Variants in CSMD2 observed in about 807,000 individuals in gnomAD.
CSMD2 encodes the protein CUB and sushi domain-containing protein 2.
Under a neutral mutation model 398.5 loss-of-function variants are expected in CSMD2, and 130 were observed. The ratio of observed to expected loss-of-function variants is 0.33; its 90% CI spans 0.28 to 0.38. CSMD2 has a LOEUF of 0.38. Among genes scored for constraint, CSMD2 ranks in the 10% least tolerant of loss-of-function variants. The pLI is 1.00. For missense variants in CSMD2, 3,829 were observed against 4,764.9 expected, an observed-to-expected ratio of 0.80 and a Z score of 5.78; for synonymous variants, 1,828 against 1,908.5, an observed-to-expected ratio of 0.96 and a Z score of 1.10.
rs192996041 is a variant in CSMD2 at position 33,522,491 on chromosome 1, G to A, written c.10509+816C>T. 1.3e-3 allele frequency among the ~76,000 whole-genome samples: 194 copies of A among 152,284 alleles called. 1 individual carries two copies. The highest frequency in any genetic ancestry group is 2.1e-3 in the Non-Finnish European group (140 of 68,006). On this transcript the variant is annotated intron_variant, in intron 67 of 70. Coordinates refer to ENST00000373381, the MANE Select transcript of CSMD2 (RefSeq NM_001281956.2). ...ATGAAGGGGACCTACAGATACCCTT[G>A]GGCCTACCAAGGAACTACCTGTATG...
Position 34,098,450 on chromosome 1 carries a change from G to T in CSMD2, c.188-9257C>A, listed in dbSNP as rs1328819258. Among the ~76,000 whole-genome samples, 5 of 147,888 alleles carry T rather than the reference G, an allele frequency of 3.4e-5. No individual in the cohort carries two copies. The South Asian group carries it at 1.1e-3, about 32-fold the overall frequency. On this transcript the variant is annotated intron_variant, in intron 1 of 70. Transcript: ENST00000373381. Reference sequence around the variant, plus strand: ...AAATAAATAAATAAATAAATAAAAAGAAAAAAAAAGAAAAATAGATTGTCA... The same window carrying T: ...AAATAAATAAATAAATAAATAAAAATAAAAAAAAAGAAAAATAGATTGTCA...
intron 60 of CSMD2, among the ~76,000 whole-genome samples, chr1:33,539,423 A>G (rs1362291517): frequency 6.6e-6 from 1 of 152,234 alleles, no homozygotes; most frequent in Non-Finnish European, 1.5e-5. Flanking sequence ...ATAGATCAGT[A>G]AATATTGATA....
At chr1:33,754,139 GT>G (rs796618848) in intron 13 of CSMD2, among the ~76,000 whole-genome samples, 53 of 152,268 alleles carry the variant, frequency 3.5e-4, no homozygotes, top group African/African-American at 1.3e-3. Flanking sequence ...GAATGATATG[GT>G]TTGGATATTT....
At chr1:33,629,349 C>T (rs1239678710) in intron 32 of CSMD2, among the ~76,000 whole-genome samples, 3 of 151,960 alleles carry the variant, frequency 2.0e-5, no homozygotes, top group East Asian at 1.9e-4. Context: ...CAAACAAAAG[C>T]GCAGAAAGAA....
intron 10 of CSMD2, among the ~76,000 whole-genome samples, chr1:33,798,534 G>A (rs1276768777): frequency 6.6e-6 from 1 of 152,216 alleles, no homozygotes; most frequent in Non-Finnish European, 1.5e-5. Context: ...CTCAGCCCAG[G>A]CTACACTGTG....
intron 2 of CSMD2, among the ~76,000 whole-genome samples, chr1:34,053,095 A>G (rs1653399753): frequency 6.6e-6 from 1 of 151,900 alleles, no homozygotes; most frequent in African/African-American, 2.4e-5. Context: ...ACCCCTAATC[A>G]GAACATGCTC....
At position 33,914,860 on chromosome 1, in the gene CSMD2, G is replaced by T. The variant is rs534180385; in HGVS notation, c.920+3234C>A. Reference sequence around the variant, plus strand: ...CAGTTTTGGCTTTGAATTGTCCTTTGTTTTATGAATAATATTCTGAGGAGT... The same window carrying T: ...CAGTTTTGGCTTTGAATTGTCCTTTTTTTTATGAATAATATTCTGAGGAGT... On this transcript the variant is annotated intron_variant, in intron 5 of 70. Transcript: ENST00000373381. Among the ~76,000 whole-genome samples, 7 of 152,270 alleles carry T rather than the reference G, an allele frequency of 4.6e-5. No homozygotes were observed. The East Asian group carries it at 1.2e-3, about 25-fold the overall frequency.
intron 31 of CSMD2, among the ~76,000 whole-genome samples, chr1:33,634,945 T>C (rs1297950285): frequency 1.3e-5 from 2 of 152,128 alleles, no homozygotes; most frequent in Non-Finnish European, 2.9e-5. Flanking sequence ...TGGGGCACCT[T>C]GCCTTCCCTC....
At chr1:33,523,817 C>G (rs1009564719) in intron 66 of CSMD2, among the ~76,000 whole-genome samples, 2 of 152,158 alleles carry the variant, frequency 1.3e-5, no homozygotes, top group African/African-American at 4.8e-5. Flanking sequence ...GTGAAATGAG[C>G]AAATGTCATC....
intron 5 of CSMD2, among the ~76,000 whole-genome samples, chr1:33,909,236 G>A (rs1419516933): frequency 6.6e-6 from 1 of 152,086 alleles, no homozygotes; most frequent in Admixed American, 6.5e-5. Context: ...CGAAGTTCAG[G>A]AGCAAATAGG....
chr1:34,056,812 A>T (rs7541388), intron 2 of CSMD2, among the ~76,000 whole-genome samples: 4,876 of 152,282 alleles, frequency 0.032, 101 homozygotes, highest in Middle Eastern at 0.099. Context: ...CTAAGAGCAC[A>T]GTGAGGGGAG....
chr1:33,656,462 A>C (rs1304789224), intron 27 of CSMD2, among the ~76,000 whole-genome samples: 1 of 152,154 alleles, frequency 6.6e-6, no homozygotes, highest in Admixed American at 6.5e-5. Context: ...GCGGCTCCTA[A>C]TTCCCACTGA....
intron 5 of CSMD2, among the ~76,000 whole-genome samples, chr1:33,878,554 A>T (rs1221273823): frequency 2.0e-5 from 3 of 152,224 alleles, no homozygotes; most frequent in Non-Finnish European, 4.4e-5. Flanking sequence ...CATTGATCTG[A>T]CAGTGGCAGC....
chr1:33,810,607 A>T, intron 10 of CSMD2, 136 bp downstream of exon 10: 1 of 796,294 alleles, frequency 1.3e-6, no homozygotes, highest in Non-Finnish European at 1.9e-6. Flanking sequence ...ACTCGATATT[A>T]ATAAAAAAAA....
chr1:33,590,493 C>T (rs1343817776), intron 44 of CSMD2, among the ~76,000 whole-genome samples: 1 of 151,302 alleles, frequency 6.6e-6, no homozygotes, highest in Non-Finnish European at 1.5e-5. Context: ...TAAAAAGCAA[C>T]AAAACAAAAA....
chr1:33,826,099 C>T (rs534106230), intron 6 of CSMD2, among the ~76,000 whole-genome samples: 3 of 152,224 alleles, frequency 2.0e-5, no homozygotes, highest in Admixed American at 6.5e-5. Context: ...TCAACCTGCT[C>T]CTCAGCAAAC....
intron 1 of CSMD2, among the ~76,000 whole-genome samples, chr1:34,148,580 C>T (rs1639997245): frequency 9.3e-6 from 1 of 107,148 alleles, no homozygotes; most frequent in African/African-American, 2.9e-5. Flanking sequence ...CAGCAGTGAA[C>T]AAAAGGGCCA....
chr1:33,580,157 T>C (rs900886764), intron 48 of CSMD2, among the ~76,000 whole-genome samples: 1 of 152,208 alleles, frequency 6.6e-6, no homozygotes, highest in African/African-American at 2.4e-5. Flanking sequence ...AACCCACCTC[T>C]CTTCAAAGTG....
intron 5 of CSMD2, among the ~76,000 whole-genome samples, chr1:33,849,928 G>A (rs1284586050): frequency 6.6e-6 from 1 of 151,974 alleles, no homozygotes. Flanking sequence ...CAGGGTAAAA[G>A]ACCTTATTAT....
Sources: gnomAD v4.1 joint callset for allele counts (sites outside exome capture counted in the v4.1 genomes callset) on GRCh38, gnomAD v4.1.1 for gene constraint, MANE v1.5 for transcripts, NCBI Gene and HGNC (gene_info 2026-07-23, HGNC 2026-07-21) for gene names.